Variants in SPIDR observed in about 807,000 individuals in gnomAD.
SPIDR encodes scaffold protein involved in DNA repair.
Under a neutral mutation model 104.6 loss-of-function variants are expected in SPIDR, and 93 were observed. That is an observed-to-expected ratio of 0.89 (90% CI 0.75 to 1.06). The LOEUF (loss-of-function observed/expected upper bound fraction) is 1.06. Among genes scored for constraint, SPIDR ranks in the 50% least tolerant of loss-of-function variants. The pLI, the probability that SPIDR is intolerant of heterozygous loss-of-function variation, is 0.00. For missense variants in SPIDR, 1,154 were observed against 1,111.2 expected, an observed-to-expected ratio of 1.04 and a Z score of -0.55; for synonymous variants, 431 against 416.9, an observed-to-expected ratio of 1.03 and a Z score of -0.41.
chr8:47,581,059 C>G (rs962209368), intron 8 of SPIDR, among the ~76,000 whole-genome samples: 2 of 152,136 alleles, frequency 1.3e-5, no homozygotes, highest in African/African-American at 2.4e-5. Context: ...GGTGAGCCAC[C>G]CAGCCAAAGC....
At chr8:47,280,561 T>C (rs909006717) in intron 2 of SPIDR, among the ~76,000 whole-genome samples, 23 of 151,924 alleles carry the variant, frequency 1.5e-4, no homozygotes, top group African/African-American at 5.1e-4. Context: ...CTCGGCTGAT[T>C]TTTGTATTTT....
At chr8:47,676,808 T>C (rs1446537931) in intron 11 of SPIDR, among the ~76,000 whole-genome samples, 1 of 152,232 alleles carries the variant, frequency 6.6e-6, no homozygotes, top group African/African-American at 2.4e-5. Flanking sequence ...TGAATGGCTG[T>C]GTTGCAGGGA....
chr8:47,360,943 G>A, intron 5 of SPIDR: 1 of 985,244 alleles, frequency 1.0e-6, no homozygotes, highest in Non-Finnish European at 1.2e-6. Flanking sequence ...TACTTCTGGA[G>A]TGTATGGTGA....
Position 47,279,976 on chromosome 8 carries a change from C to G in SPIDR, c.148C>G (p.Leu50Val). Residue 50 changes from leucine to valine, a missense_variant, in exon 2 of 20, where the codon CTC (leucine) becomes GTC (valine). Physicochemically the swap from Leu to Val is conservative, Grantham distance 32. Coordinates refer to ENST00000297423, the MANE Select transcript of SPIDR (RefSeq NM_001080394.4). ...GAAASLSEAWLRCGEGFQNTS... is the reference protein window; with the variant it reads ...GAAASLSEAWVRCGEGFQNTS... ...AGCTGCCTCTCTCTCTGAAGCATGG[C>G]TCAGGTGTGGAGAAGGGTTTCAGAA... The G allele has an allele frequency of 6.2e-7, 1 of 1,614,172 alleles. No homozygotes were observed. The highest frequency in any genetic ancestry group is 8.5e-7 in the Non-Finnish European group (1 of 1,180,008).
chr8:47,617,241 A>G (rs549716204), intron 10 of SPIDR, among the ~76,000 whole-genome samples: 18 of 152,326 alleles, frequency 1.2e-4, no homozygotes, highest in African/African-American at 4.3e-4. Context: ...AGCTATTTTT[A>G]AACTCCCATT....
At chr8:47,695,096 G>C (rs1025728157) in intron 11 of SPIDR, among the ~76,000 whole-genome samples, 1 of 151,896 alleles carries the variant, frequency 6.6e-6, no homozygotes, top group East Asian at 1.9e-4. Context: ...ACACATCATG[G>C]GCCTCTAGAA....
intron 10 of SPIDR, among the ~76,000 whole-genome samples, chr8:47,650,165 T>C (rs2071356878): frequency 6.6e-6 from 1 of 152,150 alleles, no homozygotes; most frequent in South Asian, 2.1e-4. Flanking sequence ...AGTCAAACTG[T>C]TACTGTCTGC....
At chr8:47,459,547 A>G (rs1375179048) in intron 8 of SPIDR, among the ~76,000 whole-genome samples, 1 of 151,996 alleles carries the variant, frequency 6.6e-6, no homozygotes, top group Non-Finnish European at 1.5e-5. Context: ...TAATCTTGCT[A>G]ATGATCTGTC....
At chr8:47,590,097 C>G (rs1313336728) in intron 8 of SPIDR, among the ~76,000 whole-genome samples, 1 of 151,654 alleles carries the variant, frequency 6.6e-6, no homozygotes, top group Admixed American at 6.6e-5. Context: ...TTGCTTGAAC[C>G]CAGGTAGCGG....
intron 8 of SPIDR, among the ~76,000 whole-genome samples, chr8:47,484,176 G>A (rs151049442): frequency 1.2e-4 from 19 of 152,322 alleles, no homozygotes; most frequent in Admixed American, 9.1e-4. Flanking sequence ...AATAAAGTGC[G>A]GAATGAGTGA....
intron 8 of SPIDR, among the ~76,000 whole-genome samples, chr8:47,502,114 T>A (rs1329399828): frequency 1.3e-5 from 2 of 152,198 alleles, no homozygotes; most frequent in African/African-American, 2.4e-5. Flanking sequence ...TTTTTTGTTG[T>A]GTCTCTGCCA....
chr8:47,599,161 G>T lies in SPIDR; in HGVS notation c.1509G>T (p.Gly503=), dbSNP rs2061965969. 1 of 1,613,692 alleles carries T rather than the reference G, an allele frequency of 6.2e-7. No homozygotes were observed. Among genetic ancestry groups the T allele is most frequent in the African/African-American group, 1.3e-5 (1 of 75,016 alleles). Residue 503 remains glycine (G), a synonymous_variant, in exon 10 of 20, where the codon GGG becomes GGT. Coordinates refer to ENST00000297423, the MANE Select transcript of SPIDR (RefSeq NM_001080394.4). ...GAGACAGCACCAGGGGTCAGCAGGG[G>T]GCCAGCTCAGGACACACAGACCCAG... ...PSRDSTRGQQ[G]ASSGHTDPAG... is the part of the protein sequence containing the mutation.
At chr8:47,262,912 C>T (rs1436409655) in intron 1 of SPIDR, among the ~76,000 whole-genome samples, 1 of 152,188 alleles carries the variant, frequency 6.6e-6, no homozygotes, top group Admixed American at 6.5e-5. Flanking sequence ...GGTGACTTTC[C>T]CTTAGGCACT....
rs2076323348 is a variant in SPIDR, at chr8:47,476,612, T to A, written c.1097+36070T>A. 2.6e-5 allele frequency among the ~76,000 whole-genome samples: 4 copies of A among 152,166 alleles called. No homozygotes were observed. The South Asian group carries it at 8.3e-4, about 32-fold the overall frequency. On this transcript the variant is annotated intron_variant, in intron 8 of 19. Transcript: ENST00000297423. ...CTCCGAGACTCCCTTCACCCCTGCC[T>A]GGACCACCCCAACCCAGTCCTTCTG...
chr8:47,679,236 T>C (rs532216640), intron 11 of SPIDR, among the ~76,000 whole-genome samples: 82 of 152,316 alleles, frequency 5.4e-4, no homozygotes, highest in African/African-American at 1.7e-3. Flanking sequence ...GTCACTGGTA[T>C]AGGTTTGAGT....
chr8:47,661,453 C>T (rs1343005577), intron 10 of SPIDR, among the ~76,000 whole-genome samples: 1 of 152,230 alleles, frequency 6.6e-6, no homozygotes, highest in Non-Finnish European at 1.5e-5. Context: ...ATACCTTTGC[C>T]TTGGCAGTGG....
intron 8 of SPIDR, among the ~76,000 whole-genome samples, chr8:47,531,847 C>T (rs1195631025): frequency 1.3e-5 from 2 of 151,684 alleles, no homozygotes; most frequent in African/African-American, 4.9e-5. Flanking sequence ...ATGTGGCATA[C>T]GACAAAAATT....
At chr8:47,479,736 T>C (rs1554725885) in intron 8 of SPIDR, among the ~76,000 whole-genome samples, 2 of 152,188 alleles carry the variant, frequency 1.3e-5, no homozygotes, top group Non-Finnish European at 2.9e-5. Flanking sequence ...AGGAATTTGC[T>C]ACACATTCTA....
intron 10 of SPIDR, among the ~76,000 whole-genome samples, chr8:47,621,202 A>T (rs1333725701): frequency 6.6e-6 from 1 of 151,728 alleles, no homozygotes; most frequent in Non-Finnish European, 1.5e-5. Context: ...TGATCCGCCC[A>T]CCTTGGCCTC....
Sources: gnomAD v4.1 joint callset for allele counts (sites outside exome capture counted in the v4.1 genomes callset) on GRCh38, gnomAD v4.1.1 for gene constraint, MANE v1.5 for transcripts, NCBI Gene and HGNC (gene_info 2026-07-23, HGNC 2026-07-21) for gene names.